HNF4G: variants seen among roughly 807,000 people sequenced by gnomAD.
HNF4G encodes hepatocyte nuclear factor 4-gamma.
A neutral mutation model predicts 50.9 loss-of-function variants in HNF4G; 21 were observed. The ratio of observed to expected loss-of-function variants is 0.41; its 90% CI spans 0.29 to 0.59. HNF4G has a LOEUF of 0.59. Among genes scored for constraint, HNF4G ranks in the 20% least tolerant of loss-of-function variants. The probability of loss-of-function intolerance (pLI) is 0.26; values close to 1 mark genes in which losing one functional copy is unlikely to be tolerated. For synonymous variants in HNF4G, 198 were observed against 185.6 expected, an observed-to-expected ratio of 1.07 and a Z score of -0.54; for missense variants, 527 against 559.4, an observed-to-expected ratio of 0.94 and a Z score of 0.58.
chr8:75,468,461 C>T (rs1308361370), intron 1 of HNF4G, among the ~76,000 whole-genome samples: 5 of 151,954 alleles, frequency 3.3e-5, no homozygotes, highest in Non-Finnish European at 5.9e-5. Flanking sequence ...TTTGGGAGGC[C>T]GAGGCAAGTG....
intron 1 of HNF4G, among the ~76,000 whole-genome samples, chr8:75,430,473 G>GGAGAGAGAGA (rs1284776832): frequency 8.9e-6 from 1 of 112,902 alleles, no homozygotes; most frequent in African/African-American, 3.6e-5. Flanking sequence ...GGGGTAGGGA[G>GGAGAGAGAGA]TAGAGAGAGA....
chr8:75,416,452 T>G (rs1810636742), intron 1 of HNF4G, among the ~76,000 whole-genome samples: 4 of 152,238 alleles, frequency 2.6e-5, no homozygotes, highest in Admixed American at 2.6e-4. Context: ...CACCCATTTT[T>G]AACTCCTATA....
chr8:75,553,082 T>G lies in HNF4G; in HGVS notation c.530T>G (p.Val177Gly), dbSNP rs758774588. 1 of 1,612,688 alleles carries G rather than the reference T, an allele frequency of 6.2e-7. No homozygotes were observed. ...CCTGGGTCAAGCACTGACATAAACG[T>G]TAAGAAAATTGCAAGTATTGGTGAT... is the stretch of plus-strand genomic sequence containing the variant. ...SSPGSSTDIN[V>G]KKIASIGDVC... Residue 177 changes from valine to glycine, a missense_variant, in exon 5 of 10, where the codon GTT becomes GGT. Around this residue, in one of 5 missense-constraint regions of HNF4G, gnomAD observed 128 missense variants for 135.3 expected, o/e 0.95. Transcript: ENST00000396423.
chr8:75,488,512 A>C (rs1585888311), intron 1 of HNF4G, among the ~76,000 whole-genome samples: 4 of 151,982 alleles, frequency 2.6e-5, no homozygotes, highest in Non-Finnish European at 5.9e-5. Context: ...TTCTGACCTC[A>C]AGTGATCTGC....
At chr8:75,493,782 T>C (rs914252226) in intron 2 of HNF4G, among the ~76,000 whole-genome samples, 1 of 152,148 alleles carries the variant, frequency 6.6e-6, no homozygotes, top group Non-Finnish European at 1.5e-5. Flanking sequence ...ATTAGAAAAC[T>C]TTTTTGCTGA....
At chr8:75,434,492 AAAG>A (rs1326069877) in intron 1 of HNF4G, among the ~76,000 whole-genome samples, 1 of 152,178 alleles carries the variant, frequency 6.6e-6, no homozygotes, top group Non-Finnish European at 1.5e-5. Context: ...ATAAACAACT[AAAG>A]AAGTCAGAAA....
intron 1 of HNF4G, among the ~76,000 whole-genome samples, chr8:75,447,474 C>G (rs1182772326): frequency 5.5e-4 from 77 of 140,586 alleles, no homozygotes; most frequent in African/African-American, 1.9e-3. Context: ...GCAAAAGAAA[C>G]TACCATCAGA....
At position 75,558,899 on chromosome 8, in the gene HNF4G, C is replaced by T. The variant is rs1483199309; in HGVS notation, c.985C>T (p.Arg329Trp). Reference protein sequence around the residue: ...DYINDRQYDSRGRFGELLLLL... With the variant: ...DYINDRQYDSWGRFGELLLLL... The stretch of plus-strand genomic sequence containing the variant: ...CATCAATGATCGGCAGTATGACTCC[C>T]GGGGGAGGTTTGGAGAGTTGCTTCT... Residue 329 changes from arginine (R) to tryptophan (W), a missense_variant, in exon 8 of 10, where the codon CGG (arginine) becomes TGG (tryptophan). Transcript: ENST00000396423. 2.5e-6 allele frequency: 4 copies of T among 1,613,802 alleles called. No homozygotes were observed. The highest frequency in any genetic ancestry group is 1.1e-5 in the South Asian group (1 of 91,080).
intron 1 of HNF4G, among the ~76,000 whole-genome samples, chr8:75,425,241 T>C (rs75423143): frequency 4.6e-5 from 7 of 151,880 alleles, no homozygotes; most frequent in African/African-American, 1.7e-4. Flanking sequence ...CCTGCCATCA[T>C]GCCTGGCTAA....
At chr8:75,556,818 A>G (rs1807142593) in intron 6 of HNF4G, among the ~76,000 whole-genome samples, 1 of 152,214 alleles carries the variant, frequency 6.6e-6, no homozygotes, top group Non-Finnish European at 1.5e-5. Context: ...AGACAATATA[A>G]CAATATTTAA....
At chr8:75,472,122 C>A (rs1405789149) in intron 1 of HNF4G, among the ~76,000 whole-genome samples, 1 of 152,114 alleles carries the variant, frequency 6.6e-6, no homozygotes, top group Non-Finnish European at 1.5e-5. Flanking sequence ...ATCCTTCCTC[C>A]CTACCTCTTA....
chr8:75,420,122 C>T (rs891866417), intron 1 of HNF4G, among the ~76,000 whole-genome samples: 3 of 151,888 alleles, frequency 2.0e-5, no homozygotes, highest in Non-Finnish European at 4.4e-5. Context: ...TTCTTAATTT[C>T]TGTCTTCTCC....
chr8:75,506,847 T>A (rs1451588314), intron 2 of HNF4G, among the ~76,000 whole-genome samples: 5 of 151,266 alleles, frequency 3.3e-5, no homozygotes, highest in African/African-American at 1.2e-4. Flanking sequence ...TGGCAGATCA[T>A]CAACAACAAC....
chr8:75,516,216 T>C (rs946938125), intron 2 of HNF4G, among the ~76,000 whole-genome samples: 1 of 152,250 alleles, frequency 6.6e-6, no homozygotes, highest in Non-Finnish European at 1.5e-5. Context: ...CATTTAATAT[T>C]ATATATTTTC....
chr8:75,544,999 T>C (rs1027537867), intron 2 of HNF4G, among the ~76,000 whole-genome samples: 1 of 152,084 alleles, frequency 6.6e-6, no homozygotes, highest in Non-Finnish European at 1.5e-5. Flanking sequence ...TCCAAGATAG[T>C]TTGAAGCAGG....
chr8:75,479,356 A>T (rs986104996), intron 1 of HNF4G, among the ~76,000 whole-genome samples: 1 of 152,212 alleles, frequency 6.6e-6, no homozygotes, highest in African/African-American at 2.4e-5. Context: ...CGATTTTCAA[A>T]TACAGGTTGT....
At chr8:75,519,989 T>C (rs958332621) in intron 2 of HNF4G, among the ~76,000 whole-genome samples, 1 of 152,166 alleles carries the variant, frequency 6.6e-6, no homozygotes, top group Non-Finnish European at 1.5e-5. Context: ...CCATTTGTTT[T>C]CTGTTTCTTT....
chr8:75,547,409 G>A (rs34776073), intron 2 of HNF4G, among the ~76,000 whole-genome samples, 178 bp from the exon 3 acceptor site: 8,116 of 152,342 alleles, frequency 0.053, 286 homozygotes, highest in Non-Finnish European at 0.079. Context: ...TGAGAGGTGA[G>A]GCTCGCGTTT....
At chr8:75,488,800 A>G (rs1812552857) in intron 1 of HNF4G, among the ~76,000 whole-genome samples, 1 of 152,182 alleles carries the variant, frequency 6.6e-6, no homozygotes, top group Admixed American at 6.5e-5. Flanking sequence ...AAATGAATAT[A>G]AGGAGTGTGA....
Sources: allele counts gnomAD v4.1 joint callset (sites outside exome capture counted in the v4.1 genomes callset), GRCh38; gene constraint gnomAD v4.1.1; regional missense constraint gnomAD v4.1.1; transcripts MANE v1.5; gene names NCBI Gene and HGNC (gene_info 2026-07-23, HGNC 2026-07-21).